The following PTPN14 variants were observed in gnomAD, a reference collection of about 807,000 sequenced individuals.
PTPN14 encodes protein tyrosine phosphatase non-receptor type 14.
A neutral mutation model predicts 126.8 loss-of-function variants in PTPN14; 53 were observed. That is an observed-to-expected ratio of 0.42 (90% CI 0.34 to 0.53). The LOEUF is 0.53. Ranked by LOEUF, PTPN14 falls within the 20% of genes least tolerant of loss-of-function variation. PTPN14 has a pLI of 0.08. For missense variants in PTPN14, 1,257 were observed against 1,552.9 expected (o/e 0.81, Z 3.20); for synonymous variants, 630 against 599.3 (o/e 1.05, Z -0.75).
intron 9 of PTPN14, among the ~76,000 whole-genome samples, chr1:214,394,330 C>T (rs1203937563): frequency 6.6e-6 from 1 of 152,184 alleles, no homozygotes; most frequent in Non-Finnish European, 1.5e-5. Flanking sequence ...ACAATGTGAT[C>T]CATCACACAT....
intron 10 of PTPN14, among the ~76,000 whole-genome samples, chr1:214,393,229 G>A (rs1368968255): frequency 6.6e-6 from 1 of 152,166 alleles, no homozygotes; most frequent in Non-Finnish European, 1.5e-5. Flanking sequence ...TTTACAGTCA[G>A]ATGACATGAC....
intron 5 of PTPN14, among the ~76,000 whole-genome samples, chr1:214,411,386 T>C (rs888861317): frequency 2.0e-5 from 3 of 152,136 alleles, no homozygotes; most frequent in African/African-American, 4.8e-5. Flanking sequence ...AAAAAACTGA[T>C]AGAACTGAGA....
At chr1:214,416,997 T>C (rs1989214) in intron 3 of PTPN14, among the ~76,000 whole-genome samples, 1,752 of 151,814 alleles carry the variant, frequency 0.012, 23 homozygotes, top group Non-Finnish European at 0.016. Flanking sequence ...CACCCTGTCA[T>C]AGCTTTGGGT....
intron 1 of PTPN14, among the ~76,000 whole-genome samples, chr1:214,471,044 AC>A (rs561501345): frequency 8.1e-6 from 1 of 124,164 alleles, no homozygotes; most frequent in Non-Finnish European, 1.9e-5. Context: ...AAAAAACAAA[AC>A]AAAAAAACAA....
chr1:214,547,417 C>T (rs1024327899), intron 1 of PTPN14, among the ~76,000 whole-genome samples: 2 of 152,184 alleles, frequency 1.3e-5, no homozygotes, highest in East Asian at 3.9e-4. Context: ...ATTGTTCTAA[C>T]ATTGTTCATT....
At chr1:214,506,684 C>T (rs564167665) in intron 1 of PTPN14, among the ~76,000 whole-genome samples, 1 of 152,292 alleles carries the variant, frequency 6.6e-6, no homozygotes, top group South Asian at 2.1e-4. Flanking sequence ...TGCTCATTAA[C>T]CAGGGATACA....
chr1:214,522,097 C>A (rs376415891), intron 1 of PTPN14, among the ~76,000 whole-genome samples: 5 of 151,758 alleles, frequency 3.3e-5, no homozygotes, highest in Non-Finnish European at 7.4e-5. Context: ...CCGTCACACC[C>A]GGCTAGTTTT....
chr1:214,442,525 T>G (rs372747886), intron 3 of PTPN14, among the ~76,000 whole-genome samples: 1 of 152,336 alleles, frequency 6.6e-6, no homozygotes, highest in East Asian at 1.9e-4. Flanking sequence ...ACATGAAGAC[T>G]CCTTTTGAAA....
At chr1:214,453,811 A>G (rs1660325271) in intron 2 of PTPN14, among the ~76,000 whole-genome samples, 1 of 152,230 alleles carries the variant, frequency 6.6e-6, no homozygotes, top group Non-Finnish European at 1.5e-5. Context: ...ATCTACAAAT[A>G]ACATAAATAT....
At chr1:214,536,242 A>AG (rs1401342093) in intron 1 of PTPN14, among the ~76,000 whole-genome samples, 2 of 151,758 alleles carry the variant, frequency 1.3e-5, no homozygotes, top group Admixed American at 6.6e-5. Flanking sequence ...ACCCATAACT[A>AG]TGAAAAATAA....
intron 2 of PTPN14, among the ~76,000 whole-genome samples, chr1:214,464,065 A>G (rs921985210): frequency 1.3e-5 from 2 of 152,202 alleles, no homozygotes; most frequent in African/African-American, 4.8e-5. Flanking sequence ...GACGGCGTGA[A>G]GGCAACGAGG....
At chr1:214,525,103 T>C (rs1411784426) in intron 1 of PTPN14, among the ~76,000 whole-genome samples, 2 of 152,078 alleles carry the variant, frequency 1.3e-5, no homozygotes, top group African/African-American at 4.8e-5. Flanking sequence ...ACAAACACTT[T>C]AAAGAACTAC....
At chr1:214,448,392 G>A (rs979762719) in intron 3 of PTPN14, among the ~76,000 whole-genome samples, 4 of 122,730 alleles carry the variant, frequency 3.3e-5, no homozygotes, top group Admixed American at 1.0e-4. Flanking sequence ...AACCAAGCCG[G>A]GCTAATTTTT....
rs191907250 is a variant in PTPN14, at chr1:214,443,069, C to T, written c.344+8736G>A. ...AACTCCCGACCTCAAGTGATCCACC[C>T]GCCTCAGCCTCCCAAAGTGCTGGGA... On this transcript the variant is annotated intron_variant, in intron 3 of 18. Coordinates refer to ENST00000366956, the MANE Select transcript of PTPN14 (RefSeq NM_005401.5). Among the ~76,000 whole-genome samples the T allele has an allele frequency of 2.7e-4, 41 of 152,270 alleles. No individual in the cohort carries two copies. The South Asian group carries it at 2.7e-3, about 10-fold the overall frequency.
chr1:214,507,484 T>C (rs904293474), intron 1 of PTPN14, among the ~76,000 whole-genome samples: 1 of 152,218 alleles, frequency 6.6e-6, no homozygotes, highest in Non-Finnish European at 1.5e-5. Flanking sequence ...GTATAGCTCA[T>C]CCTAGAAGAA....
In PTPN14 at chr1:214,464,539, A is replaced by G. The variant is rs7528315; in HGVS notation, c.174+91T>C. 0.81 allele frequency: 1,196,563 copies of G among 1,485,072 alleles called. 483,011 individuals are homozygous for G. Among genetic ancestry groups the G allele is most frequent in the African/African-American group, 0.89 (64,165 of 71,728 alleles). 92.0% of individuals were successfully genotyped at this position (1,485,072 alleles called of 1,614,324 possible). A position where few individuals can be genotyped will look rare whatever the true frequency, so the allele number is the denominator to read the frequency against. On this transcript the variant is annotated intron_variant, in intron 2 of 18. Transcript: ENST00000366956. ...GGCCAAAAAACACAACAGATGCCAA[A>G]AAACAGATGGCTGGTCCCTTCGGTG...
chr1:214,404,455 C>T (rs769698957), intron 5 of PTPN14, among the ~76,000 whole-genome samples: 1 of 152,156 alleles, frequency 6.6e-6, no homozygotes, highest in Non-Finnish European at 1.5e-5. Flanking sequence ...AGAAAGTTAG[C>T]TATGTATGTG....
chr1:214,535,372 T>C (rs916011285), intron 1 of PTPN14, among the ~76,000 whole-genome samples: 2 of 152,228 alleles, frequency 1.3e-5, no homozygotes, highest in Non-Finnish European at 2.9e-5. Flanking sequence ...GTAAATCTAG[T>C]GCAAAGGTTA....
intron 3 of PTPN14, among the ~76,000 whole-genome samples, chr1:214,425,867 C>T (rs1659650003): frequency 2.6e-5 from 4 of 151,522 alleles, no homozygotes; most frequent in African/African-American, 9.7e-5. Context: ...TCGCAACAAC[C>T]CTGCAAGATA....
Sources: gnomAD v4.1 joint callset for allele counts (sites outside exome capture counted in the v4.1 genomes callset) on GRCh38, gnomAD v4.1.1 for gene constraint, MANE v1.5 for transcripts, NCBI Gene and HGNC (gene_info 2026-07-23, HGNC 2026-07-21) for gene names.